ARHGAP40: variants seen among roughly 807,000 people sequenced by gnomAD.
ARHGAP40 encodes rho GTPase-activating protein 40.
A neutral mutation model predicts 73.5 loss-of-function variants in ARHGAP40; 43 were observed. That is an observed-to-expected ratio of 0.58 (90% CI 0.46 to 0.75). ARHGAP40 has a LOEUF of 0.75. ARHGAP40 is among the 30% of genes least tolerant of loss of function. The pLI, the probability that ARHGAP40 is intolerant of heterozygous loss-of-function variation, is 0.00. For missense variants in ARHGAP40, 734 were observed against 861.8 expected, an observed-to-expected ratio of 0.85 and a Z score of 1.86; for synonymous variants, 300 against 352.8, an observed-to-expected ratio of 0.85 and a Z score of 1.68.
chr20:38,640,855 C>T (rs930198767), intron 9 of ARHGAP40, among the ~76,000 whole-genome samples: 7 of 152,222 alleles, frequency 4.6e-5, no homozygotes, highest in African/African-American at 1.7e-4. Flanking sequence ...CGTGACCCCA[C>T]ACATCATGCT....
At chr20:38,633,243 C>T (rs2088952605) in intron 5 of ARHGAP40, among the ~76,000 whole-genome samples, 1 of 152,124 alleles carries the variant, frequency 6.6e-6, no homozygotes, top group South Asian at 2.1e-4. Flanking sequence ...GATTGTGCCC[C>T]TGCACTGCAA....
At chr20:38,614,859 C>G (rs2088825458) in intron 1 of ARHGAP40, 1 of 1,016,440 alleles carries the variant, frequency 9.8e-7, no homozygotes, top group African/African-American at 1.6e-5. Flanking sequence ...ATGAGTACCT[C>G]ATCACGTCCT....
chr20:38,632,507 A>C (rs1009049271), intron 5 of ARHGAP40, among the ~76,000 whole-genome samples: 2 of 151,370 alleles, frequency 1.3e-5, no homozygotes, highest in Non-Finnish European at 3.0e-5. Context: ...GTGATCCGCC[A>C]GCCTCGGCCT....
At chr20:38,617,563 C>A (rs915466713) in intron 1 of ARHGAP40, among the ~76,000 whole-genome samples, 2 of 152,044 alleles carry the variant, frequency 1.3e-5, no homozygotes, top group African/African-American at 4.8e-5. Context: ...CTAGGACCTG[C>A]CTCATCTTTC....
intron 6 of ARHGAP40, among the ~76,000 whole-genome samples, chr20:38,635,668 A>G (rs1045071563): frequency 3.3e-5 from 5 of 152,054 alleles, no homozygotes; most frequent in Non-Finnish European, 7.4e-5. Context: ...GTCTCATTCT[A>G]TATATATAGA....
At chr20:38,634,649 C>T (rs761466637) in exon 6 of ARHGAP40, 73 of 1,305,310 alleles carry the variant, frequency 5.6e-5, no homozygotes, top group Admixed American at 6.9e-5. Flanking sequence ...GCAGACTTGG[C>T]GTGACGAGGA....
At chr20:38,621,587 G>T (rs1323870833) in intron 1 of ARHGAP40, among the ~76,000 whole-genome samples, 1 of 152,138 alleles carries the variant, frequency 6.6e-6, no homozygotes, top group African/African-American at 2.4e-5. Context: ...CCTGCCTTTA[G>T]GTTAAATATG....
intron 1 of ARHGAP40, among the ~76,000 whole-genome samples, chr20:38,616,417 A>G (rs1050582751): frequency 3.9e-5 from 6 of 152,252 alleles, no homozygotes; most frequent in African/African-American, 1.4e-4. Context: ...ATAAGAGCTC[A>G]GCTGATCAGA....
intron 1 of ARHGAP40, among the ~76,000 whole-genome samples, chr20:38,612,393 G>C (rs1218124084): frequency 6.6e-6 from 1 of 152,150 alleles, no homozygotes; most frequent in Non-Finnish European, 1.5e-5. Context: ...AATAAAGTTG[G>C]CTGGGCACGG....
intron 1 of ARHGAP40, among the ~76,000 whole-genome samples, chr20:38,606,059 C>T (rs1249296389): frequency 6.6e-6 from 1 of 152,026 alleles, no homozygotes; most frequent in African/African-American, 2.4e-5. Flanking sequence ...CAGGGTCTCC[C>T]TATGTTGCTC....
In ARHGAP40 at chr20:38,646,931, G is replaced by T; in HGVS notation, c.1711-26G>T. The T allele has an allele frequency of 7.7e-7, 1 of 1,299,090 alleles. No homozygotes were observed. The highest frequency in any genetic ancestry group is 1.0e-6 in the Non-Finnish European group (1 of 985,378). The allele number at this position is 1,299,090 out of a possible 1,614,324, so 80.5% of individuals were successfully genotyped here. ...CAGGCAAGCTGACTCTTATGTATAT[G>T]GATCTTTCTCTCTCTCTCTCTGCAG... On this transcript the variant is annotated intron_variant, in intron 12 of 14. Transcript: ENST00000373345. The surrounding 1 kb of genome is among the most constrained non-coding windows in gnomAD (Gnocchi z 4.5).
intron 1 of ARHGAP40, among the ~76,000 whole-genome samples, chr20:38,609,975 C>T (rs1391543479): frequency 1.3e-5 from 2 of 152,216 alleles, no homozygotes; most frequent in African/African-American, 2.4e-5. Context: ...AGATGTGCAG[C>T]AAAGACAGGG....
intron 1 of ARHGAP40, among the ~76,000 whole-genome samples, chr20:38,622,656 C>T (rs367937108): frequency 1.3e-5 from 2 of 152,188 alleles, no homozygotes; most frequent in East Asian, 3.9e-4. Context: ...GCAACTGGGA[C>T]CTGGAAAATC....
At chr20:38,631,537 C>T (rs1039489812) in intron 5 of ARHGAP40, among the ~76,000 whole-genome samples, 1 of 152,138 alleles carries the variant, frequency 6.6e-6, no homozygotes. Flanking sequence ...TATTCACTAT[C>T]ACAAGAACAG....
intron 1 of ARHGAP40, among the ~76,000 whole-genome samples, chr20:38,603,501 TATCTA>T (rs1256472861): frequency 6.6e-6 from 1 of 152,158 alleles, no homozygotes; most frequent in Non-Finnish European, 1.5e-5. Flanking sequence ...ATCTATTCTG[TATCTA>T]ATCTATCTAT....
At chr20:38,639,334 G>A in exon 9 of ARHGAP40, 1 of 1,305,546 alleles carries the variant, frequency 7.7e-7, no homozygotes, top group Non-Finnish European at 1.0e-6. Context: ...TCCGGAAGCT[G>A]CCGACACCTT....
chr20:38,626,244 C>CAACT (rs1288651057), intron 2 of ARHGAP40, among the ~76,000 whole-genome samples: 2 of 152,206 alleles, frequency 1.3e-5, no homozygotes, highest in Admixed American at 1.3e-4. Context: ...ACACTGGGTA[C>CAACT]AACTGTACAC....
At chr20:38,615,714 T>C (rs1211256256) in intron 1 of ARHGAP40, among the ~76,000 whole-genome samples, 1 of 152,128 alleles carries the variant, frequency 6.6e-6, no homozygotes, top group Non-Finnish European at 1.5e-5. Context: ...ACCTGGCACC[T>C]GGGAATGGTG....
At chr20:38,623,265 C>G (rs1239905203) in intron 1 of ARHGAP40, 94 bp from the exon 2 acceptor site, 2 of 1,021,330 alleles carry the variant, frequency 2.0e-6, no homozygotes, top group Admixed American at 6.8e-5. Flanking sequence ...CCCCAGGGGC[C>G]CAGGCTGATT....
Sources: allele counts gnomAD v4.1 joint callset (sites outside exome capture counted in the v4.1 genomes callset), GRCh38; gene constraint gnomAD v4.1.1; non-coding constraint Gnocchi (gnomAD v3.1); transcripts MANE v1.5; gene names NCBI Gene and HGNC (gene_info 2026-07-23, HGNC 2026-07-21).